FLNC: variants seen among roughly 807,000 people sequenced by gnomAD.
FLNC encodes filamin C, also known as filamin-C.
In FLNC, 91 loss-of-function variants were observed where a neutral mutation model predicts 254.3. That is an observed-to-expected ratio of 0.36 (90% CI 0.30 to 0.43). The LOEUF (loss-of-function observed/expected upper bound fraction) is 0.43, where lower values mean the gene tolerates loss of function less well. Ranked by LOEUF, FLNC falls within the 20% of genes least tolerant of loss-of-function variation. The pLI is 1.00. For missense variants in FLNC, 2,853 were observed against 3,802.6 expected, an observed-to-expected ratio of 0.75 and a Z score of 6.57; for synonymous variants, 1,430 against 1,577.2, an observed-to-expected ratio of 0.91 and a Z score of 2.21.
At chr7:128,855,118 C>G in intron 42 of FLNC, 81 bp from the exon 43 acceptor site, 1 of 1,151,782 alleles carries the variant, frequency 8.7e-7, no homozygotes, top group Admixed American at 1.7e-5. Flanking sequence ...AGAGCCTTTC[C>G]TGGGATAAGG....
At position 128,852,817 on chromosome 7, in the gene FLNC, A is replaced by T. The variant is rs543718876; in HGVS notation, c.6005-11A>T. The T allele has an allele frequency of 2.0e-5, 33 of 1,613,760 alleles. 2 individuals carry two copies. In the South Asian group the frequency reaches 3.1e-4, roughly 15 times the overall value. On this transcript the variant is annotated splice_polypyrimidine_tract_variant and intron_variant, in intron 36 of 47. Coordinates refer to ENST00000325888, the MANE Select transcript of FLNC (RefSeq NM_001458.5). ...CCACAGGATGCTCTGCCTAACACCC[A>T]CTTTCCACAGGGATCTCCTTCACCC...
Position 128,843,965 on chromosome 7 carries a change from A to G in FLNC, c.2930-39A>G, listed in dbSNP as rs1808448513. ...AGTGAGGGGTATTCGGGTAGGGTGG[A>G]CCGGAGTCTCCTCATGGTGTCACTT... is the stretch of plus-strand genomic sequence containing the variant. On this transcript the variant is annotated intron_variant, in intron 19 of 47. Coordinates refer to ENST00000325888, the MANE Select transcript of FLNC (RefSeq NM_001458.5). 1.2e-6 allele frequency: 2 copies of G among 1,614,034 alleles called. 1 individual carries two copies. Among genetic ancestry groups the G allele is most frequent in the South Asian group, 2.2e-5 (2 of 91,086 alleles).
chr7:128,841,065 T>G lies in FLNC; in HGVS notation c.1813+95T>G. ...GTGCAGTGCGCATGCTGGGGAGCGC[T>G]GGGGTGAGCAGGGAGATAGGACATG... is the stretch of plus-strand genomic sequence containing the variant. On this transcript the variant is annotated intron_variant, in intron 11 of 47. Coordinates refer to ENST00000325888, the MANE Select transcript of FLNC (RefSeq NM_001458.5). This position sits in a 1 kb window ranked among gnomAD's most constrained non-coding sequence, Gnocchi z 4.3. The G allele has an allele frequency of 1.3e-6, 2 of 1,570,806 alleles. No homozygotes were observed. Among genetic ancestry groups the G allele is most frequent in the Non-Finnish European group, 1.7e-6 (2 of 1,148,762 alleles).
rs1196464728 is a variant in FLNC, at chr7:128,836,468, A to C, written c.602-692A>C. ...GCCTTGAGCCGGCCCCCTCCCCGAA[A>C]CGGTGTGCCGTCCCCCTCCTCCAGC... On this transcript the variant is annotated intron_variant, in intron 2 of 47. Coordinates refer to ENST00000325888, the MANE Select transcript of FLNC (RefSeq NM_001458.5). The surrounding 1 kb of genome is among the most constrained non-coding windows in gnomAD (Gnocchi z 6.0). 6.6e-6 allele frequency among the ~76,000 whole-genome samples: 1 copy of C among 152,048 alleles called. No individual in the cohort carries two copies. The highest frequency in any genetic ancestry group is 2.4e-5 in the African/African-American group (1 of 41,396).
In FLNC at chr7:128,830,556, G is replaced by A. The variant is rs868304592; in HGVS notation, c.-82G>A. 8.2e-5 allele frequency: 98 copies of A among 1,188,904 alleles called. 1 individual carries two copies. The Middle Eastern group carries it at 6.7e-3, about 81-fold the overall frequency. 73.6% of individuals were successfully genotyped at this position (1,188,904 alleles called of 1,614,324 possible). A position where few individuals can be genotyped will look rare whatever the true frequency, so the allele number is the denominator to read the frequency against. On this transcript the variant is annotated 5_prime_UTR_variant, in exon 1 of 48. Transcript: ENST00000325888. ...GCAGCGCAGCGCAGCGAGTCCCGTGGTCGCGCCCCAACAGCGCCCGACAGC... is the reference window on the plus strand; with the variant it reads ...GCAGCGCAGCGCAGCGAGTCCCGTGATCGCGCCCCAACAGCGCCCGACAGC...
At position 128,852,732 on chromosome 7, in the gene FLNC, G is replaced by A. The variant is rs371508414; in HGVS notation, c.5984G>A (p.Arg1995His). Residue 1995 changes from arginine (R) to histidine (H), a missense_variant, in exon 36 of 48, where the codon CGC becomes CAC. Physicochemically the swap from Arg to His is conservative, Grantham distance 29 (BLOSUM62 0). Transcript: ENST00000325888. ...AACGAGGAGCCCTGCCTGCTGAAGCGCCTGCCCAACCGGCACATTGGTGAG... is the reference window on the plus strand; with the variant it reads ...AACGAGGAGCCCTGCCTGCTGAAGCACCTGCCCAACCGGCACATTGGTGAG... ...SGNEEPCLLK[R>H]LPNRHIGISF... is the part of the protein sequence containing the mutation. 9.9e-6 allele frequency: 16 copies of A among 1,613,126 alleles called. No individual in the cohort carries two copies. Among genetic ancestry groups the A allele is most frequent in the Middle Eastern group, 1.7e-4 (1 of 6,060 alleles).
chr7:128,832,594 G>A (rs1391906278), intron 1 of FLNC, among the ~76,000 whole-genome samples: 1 of 152,232 alleles, frequency 6.6e-6, no homozygotes. Flanking sequence ...CCTCCCCCGT[G>A]GCGGTGCCTG....
In FLNC at chr7:128,847,964, G is replaced by A. The variant is rs1261252880; in HGVS notation, c.4476G>A (p.Glu1492=). 6 of 1,613,318 alleles carry A rather than the reference G, an allele frequency of 3.7e-6. No individual in the cohort carries two copies. The South Asian group carries it at 4.4e-5, about 12-fold the overall frequency. ...GCCCAGGTGTGGCCGAGCCTGTGGA[G>A]GTGCGGGACAATGGAGATGGCACCC... is the stretch of plus-strand genomic sequence containing the variant. The part of the protein sequence containing the change: ...LGPTGVAEPV[E]VRDNGDGTHT... The change falls in exon 26 of 48, where the codon GAG becomes GAA. Residue 1492 remains glutamate, a synonymous_variant. Coordinates refer to ENST00000325888, the MANE Select transcript of FLNC (RefSeq NM_001458.5).
rs752674718 is a variant in FLNC at position 128,854,854 on chromosome 7, T to C, written c.7077T>C (p.Ile2359=). 13 of 1,614,086 alleles carry C rather than the reference T, an allele frequency of 8.1e-6. No homozygotes were observed. Among genetic ancestry groups the C allele is most frequent in the Non-Finnish European group, 1.0e-5 (12 of 1,180,012 alleles). Residue 2359 remains isoleucine, a synonymous_variant, in exon 42 of 48, where the codon ATT becomes ATC. Transcript: ENST00000325888. ...IAVEGPSKAE[I]AFEDRKDGSC... is the part of the protein sequence containing the mutation. ...TGGAGGGTCCTAGCAAAGCGGAGAT[T>C]GCATTTGAGGATCGCAAAGATGGCT...
chr7:128,837,338 G>A (rs2128934112), intron 3 of FLNC, 60 bp from the exon 4 acceptor site: 1 of 1,612,770 alleles, frequency 6.2e-7, no homozygotes, highest in East Asian at 2.2e-5. Context: ...AGGGTGCAGG[G>A]GGAGACTGGG....
At chr7:128,847,496 G>A (rs1808611890) in intron 24 of FLNC, among the ~76,000 whole-genome samples, 1 of 152,216 alleles carries the variant, frequency 6.6e-6, no homozygotes, top group Non-Finnish European at 1.5e-5. Context: ...CATGAGTGAG[G>A]TTTGCCCAGC....
In FLNC at chr7:128,848,864, G is replaced by A. The variant is rs1461717555; in HGVS notation, c.4809G>A (p.Leu1603=). The change falls in exon 28 of 48, where the codon CTG becomes CTA. Residue 1603 remains leucine, a synonymous_variant. Coordinates refer to ENST00000325888, the MANE Select transcript of FLNC (RefSeq NM_001458.5). ...ATGGCACGTACACTGTGTCCTACCT[G>A]CCGGACATGAGTGGCCGGTACACCA... ...NGDGTYTVSY[L]PDMSGRYTIT... is the part of the protein sequence containing the mutation. 6.2e-7 allele frequency: 1 copy of A among 1,614,086 alleles called. No homozygotes were observed. Among genetic ancestry groups the A allele is most frequent in the Non-Finnish European group, 8.5e-7 (1 of 1,180,006 alleles).
rs1329586529 is a variant in FLNC, at chr7:128,859,130, A to T, written c.*607A>T. ...TTTCTCTCTCACTGTCTCTTTTTTT[A>T]AAATGGTTGCACGGCTCTGCCCCAT... On this transcript the variant is annotated 3_prime_UTR_variant, in exon 48 of 48. Coordinates refer to ENST00000325888, the MANE Select transcript of FLNC (RefSeq NM_001458.5). 6.4e-6 allele frequency: 1 copy of T among 155,838 alleles called. No homozygotes were observed. The highest frequency in any genetic ancestry group is 1.4e-5 in the Non-Finnish European group (1 of 70,128). 9.7% of individuals were successfully genotyped at this position (155,838 alleles called of 1,614,324 possible). A position where few individuals can be genotyped will look rare whatever the true frequency, so the allele number is the denominator to read the frequency against.
Position 128,835,489 on chromosome 7 carries a change from G to A in FLNC, c.516G>A (p.Lys172=), listed in dbSNP as rs1808058918. 6.2e-7 allele frequency: 1 copy of A among 1,613,690 alleles called. No individual in the cohort carries two copies. The highest frequency in any genetic ancestry group is 8.5e-7 in the Non-Finnish European group (1 of 1,180,018). Residue 172 remains lysine, a synonymous_variant, in exon 2 of 48, where the codon AAG becomes AAA. Transcript: ENST00000325888. The surrounding 1 kb of genome is among the most constrained non-coding windows in gnomAD (Gnocchi z 5.3). ...KQRLLGWIQN[K]VPQLPITNFN... The stretch of plus-strand genomic sequence containing the variant: ...GGCTGCTTGGCTGGATCCAGAACAA[G>A]GTGCCCCAGCTGCCCATCACCAACT...
chr7:128,844,963 G>C lies in FLNC; in HGVS notation c.3498G>C (p.Glu1166Asp). The C allele has an allele frequency of 6.2e-7, 1 of 1,613,862 alleles. No individual in the cohort carries two copies. Among genetic ancestry groups the C allele is most frequent in the Non-Finnish European group, 8.5e-7 (1 of 1,180,038 alleles). Reference protein sequence around the residue: ...SKVRASGPGLERGKVGEAATF... With the variant: ...SKVRASGPGLDRGKVGEAATF... ...TGCGGGCCAGTGGACCGGGCCTGGA[G>C]CGCGGCAAGGTCGGTGAGGCAGCCA... The change falls in exon 21 of 48, where the codon GAG becomes GAC. Residue 1166 changes from glutamate to aspartate, a missense_variant. Physicochemically the swap from Glu to Asp is conservative, Grantham distance 45. Transcript: ENST00000325888.
Position 128,842,855 on chromosome 7 carries a change from T to C in FLNC, c.2451T>C (p.Ile817=), listed in dbSNP as rs2128935764. The C allele has an allele frequency of 6.2e-7, 1 of 1,613,968 alleles. No individual in the cohort carries two copies. Among genetic ancestry groups the C allele is most frequent in the East Asian group, 2.2e-5 (1 of 44,866 alleles). The change falls in exon 16 of 48, where the codon ATT becomes ATC. Residue 817 remains isoleucine (I), a synonymous_variant. Transcript: ENST00000325888. This position sits in a 1 kb window ranked among gnomAD's most constrained non-coding sequence, Gnocchi z 5.4. ...PGVVGPAEAD[I]DFDIIKNDND... is the part of the protein sequence containing the mutation. Reference sequence around the variant, plus strand: ...TGGTGGGCCCTGCAGAGGCTGACATTGACTTCGACATCATCAAGAATGACA... The same window carrying C: ...TGGTGGGCCCTGCAGAGGCTGACATCGACTTCGACATCATCAAGAATGACA...
rs761905908 is a variant in FLNC at position 128,843,829 on chromosome 7, G to C, written c.2845G>C (p.Asp949His). The C allele has an allele frequency of 3.7e-6, 6 of 1,613,812 alleles. No homozygotes were observed. The East Asian group carries it at 6.7e-5, about 18-fold the overall frequency. The change falls in exon 19 of 48, where the codon GAC becomes CAC. Residue 949 changes from aspartate to histidine, a missense_variant. Physicochemically the swap from Asp to His is moderately conservative, Grantham distance 81. Around this residue, in one of 10 missense-constraint regions of FLNC, gnomAD observed 1,573 missense variants for 1,883.5 expected, o/e 0.84. Coordinates refer to ENST00000325888, the MANE Select transcript of FLNC (RefSeq NM_001458.5). ...NMAVTVTYGGDPVPKSPFVVN... is the reference protein window; with the variant it reads ...NMAVTVTYGGHPVPKSPFVVN... ...GGCAGTGACAGTGACTTATGGCGGG[G>C]ACCCTGTCCCCAAGAGCCCCTTTGT...
rs765723973 is a variant in FLNC at position 128,851,269 on chromosome 7, C to T, written c.5577C>T (p.Ser1859=). Residue 1859 remains serine, a synonymous_variant, in exon 34 of 48, where the codon AGC becomes AGT. Transcript: ENST00000325888. ...PLQFYVDAIN[S]RHVSAYGPGL... The stretch of plus-strand genomic sequence containing the variant: ...AGTTCTATGTGGATGCCATCAACAG[C>T]CGCCATGTCAGTGCCTATGGGCCAG... 4 of 1,614,068 alleles carry T rather than the reference C, an allele frequency of 2.5e-6. No individual in the cohort carries two copies. The highest frequency in any genetic ancestry group is 1.6e-4 in the Middle Eastern group (1 of 6,062).
rs747550431 is a variant in FLNC, at chr7:128,838,740, G to A, written c.1348G>A (p.Val450Met). ...ACCTGCCATGGAGGGGCCACATACC[G>A]TGCATGTGGCCTTTGCGGGTGCCCC... ...YRPAMEGPHT[V>M]HVAFAGAPIT... The change falls in exon 8 of 48, where the codon GTG (valine) becomes ATG (methionine). Residue 450 changes from valine to methionine, a missense_variant. Val to Met is a conservative substitution (Grantham distance 21, BLOSUM62 1). Coordinates refer to ENST00000325888, the MANE Select transcript of FLNC (RefSeq NM_001458.5). 44 of 1,613,006 alleles carry A rather than the reference G, an allele frequency of 2.7e-5. No homozygotes were observed. Among genetic ancestry groups the A allele is most frequent in the Middle Eastern group, 3.3e-4 (2 of 6,062 alleles).
Sources: gnomAD v4.1 joint callset for allele counts (sites outside exome capture counted in the v4.1 genomes callset) on GRCh38, gnomAD v4.1.1 for gene constraint, gnomAD v4.1.1 regional missense constraint, Gnocchi (gnomAD v3.1) non-coding constraint, MANE v1.5 for transcripts, NCBI Gene and HGNC (gene_info 2026-07-23, HGNC 2026-07-21) for gene names.